The following DNAAF4 variants were observed in gnomAD, a reference collection of about 807,000 sequenced individuals.
DNAAF4 encodes dynein axonemal assembly factor 4.
DNAAF4 carries 43 observed loss-of-function variants against 51.8 expected under a neutral mutation model. The ratio of observed to expected loss-of-function variants is 0.83; its 90% CI spans 0.65 to 1.07. The LOEUF (loss-of-function observed/expected upper bound fraction) is 1.07. Among genes scored for constraint, DNAAF4 ranks in the 50% least tolerant of loss-of-function variants. The pLI is 0.00. For synonymous variants in DNAAF4, 194 were observed against 165.6 expected, an observed-to-expected ratio of 1.17 and a Z score of -1.32; for missense variants, 581 against 493.0, an observed-to-expected ratio of 1.18 and a Z score of -1.69.
chr15:55,453,377 C>CA (rs1398709337), intron 5 of DNAAF4, among the ~76,000 whole-genome samples: 1 of 151,962 alleles, frequency 6.6e-6, no homozygotes, highest in Non-Finnish European at 1.5e-5. Flanking sequence ...AATCAGCAGA[C>CA]ACAACAAATA....
At chr15:55,451,795 C>T (rs949673424) in intron 5 of DNAAF4, among the ~76,000 whole-genome samples, 1 of 151,952 alleles carries the variant, frequency 6.6e-6, no homozygotes, top group African/African-American at 2.4e-5. Flanking sequence ...TGTTTGTATG[C>T]TTTTTTGTAG....
At chr15:55,421,319 G>A (rs2057386428) in intron 7 of DNAAF4, among the ~76,000 whole-genome samples, 1 of 151,790 alleles carries the variant, frequency 6.6e-6, no homozygotes, top group Admixed American at 6.6e-5. Flanking sequence ...TGGGCAACAT[G>A]GTGAGACCAC....
Position 55,498,437 on chromosome 15 carries a change from G to T in DNAAF4, c.-108C>A, listed in dbSNP as rs1001912668. On this transcript the variant is annotated 5_prime_UTR_variant, in exon 2 of 10. Transcript: ENST00000321149. ...CCAGCCCTTCCGGGTCAGGCCGGCC[G>T]GGAGCCCGGCGTTCCCAGCGTGCTC... The T allele has an allele frequency of 6.8e-7, 1 of 1,476,830 alleles. No individual in the cohort carries two copies. The highest frequency in any genetic ancestry group is 9.0e-7 in the Non-Finnish European group (1 of 1,115,418). 91.5% of individuals were successfully genotyped at this position (1,476,830 alleles called of 1,614,324 possible).
intron 3 of DNAAF4, among the ~76,000 whole-genome samples, chr15:55,495,752 T>TA (rs1016227635): frequency 3.3e-5 from 5 of 151,040 alleles, no homozygotes; most frequent in South Asian, 2.1e-4. Context: ...AACTCAAAAT[T>TA]AAAAAAAATA....
chr15:55,435,543 G>A (rs1354464700), intron 7 of DNAAF4, among the ~76,000 whole-genome samples: 1 of 152,104 alleles, frequency 6.6e-6, no homozygotes, highest in Non-Finnish European at 1.5e-5. Context: ...GGAATAAAAA[G>A]GCAGAAAGAA....
At chr15:55,425,828 A>G (rs186413877), downstream of DNAAF4, among the ~76,000 whole-genome samples, 6 of 152,300 alleles carry the variant, frequency 3.9e-5, no homozygotes, top group East Asian at 1.2e-3. Context: ...AATGTATGGA[A>G]GGCCACTGAT....
chr15:55,503,064 T>C (rs1381804759), intron 1 of DNAAF4, among the ~76,000 whole-genome samples: 1 of 151,790 alleles, frequency 6.6e-6, no homozygotes, highest in Non-Finnish European at 1.5e-5. Context: ...AAGAATCAAA[T>C]AGACGCAATA....
intron 7 of DNAAF4, chr15:55,418,333 GA>G (rs1357813940): frequency 6.5e-7 from 1 of 1,540,638 alleles, no homozygotes; most frequent in Non-Finnish European, 8.8e-7. Context: ...TGGATCCAAA[GA>G]CACTCCAGAC....
intron 4 of DNAAF4, among the ~76,000 whole-genome samples, chr15:55,484,211 C>T (rs1005561543): frequency 1.3e-5 from 2 of 151,894 alleles, no homozygotes; most frequent in African/African-American, 2.4e-5. Flanking sequence ...AGGCCGGGCG[C>T]GGTGGCTCAT....
At chr15:55,436,599 G>A (rs957502999) in intron 7 of DNAAF4, among the ~76,000 whole-genome samples, 2 of 151,988 alleles carry the variant, frequency 1.3e-5, no homozygotes, top group South Asian at 2.1e-4. Flanking sequence ...TGGCCAGGCT[G>A]GTCTCAAACT....
intron 7 of DNAAF4, among the ~76,000 whole-genome samples, chr15:55,421,052 T>C (rs927977132): frequency 1.3e-5 from 2 of 151,508 alleles, no homozygotes; most frequent in Non-Finnish European, 2.9e-5. Context: ...TAGCCAGGCG[T>C]GGTGGTGTGT....
At chr15:55,485,279 A>G (rs1207011113) in intron 4 of DNAAF4, among the ~76,000 whole-genome samples, 5 of 152,230 alleles carry the variant, frequency 3.3e-5, no homozygotes, top group African/African-American at 1.2e-4. Flanking sequence ...AAGAAAAAAG[A>G]AAGATGGGAG....
rs1285272942 is a variant in DNAAF4, at chr15:55,493,140, C to T, written c.272-1884G>A. ...ACCATGTGAGGACACAGTACGGTGC[C>T]ATCTACAGGAAAGTGAGCCCTCACC... On this transcript the variant is annotated intron_variant, in intron 3 of 9. Coordinates refer to ENST00000321149, the MANE Select transcript of DNAAF4 (RefSeq NM_130810.4). 2.0e-5 allele frequency among the ~76,000 whole-genome samples: 3 copies of T among 152,234 alleles called. No individual in the cohort carries two copies. In the East Asian group the frequency reaches 5.8e-4, roughly 29 times the overall value.
At chr15:55,463,686 A>G (rs1029039328) in intron 5 of DNAAF4, among the ~76,000 whole-genome samples, 1 of 152,030 alleles carries the variant, frequency 6.6e-6, no homozygotes, top group Non-Finnish European at 1.5e-5. Context: ...CCTCTTTTAC[A>G]ACAGCTGCAA....
rs545785770 is a variant in DNAAF4 at position 55,439,792 on chromosome 15, A to C, written c.784-211T>G. On this transcript the variant is annotated intron_variant, in intron 6 of 9. Transcript: ENST00000321149. The stretch of plus-strand genomic sequence containing the variant: ...TTGGTAGTGGGGCCTCTGAGAGGTA[A>C]TGAGGTTTAGGTCATGAGAGGAGAG... 1.8e-4 allele frequency among the ~76,000 whole-genome samples: 27 copies of C among 152,208 alleles called. No individual in the cohort carries two copies. The Middle Eastern group carries it at 0.01, about 58-fold the overall frequency.
At chr15:55,503,240 C>T (rs1240477598) in intron 1 of DNAAF4, among the ~76,000 whole-genome samples, 1 of 152,186 alleles carries the variant, frequency 6.6e-6, no homozygotes, top group Admixed American at 6.5e-5. Context: ...ATTTGAATCT[C>T]TGAACAGACC....
intron 5 of DNAAF4, among the ~76,000 whole-genome samples, chr15:55,462,735 G>A (rs2058111093): frequency 6.6e-6 from 1 of 151,958 alleles, no homozygotes; most frequent in African/African-American, 2.4e-5. Context: ...ATATCAAAAA[G>A]GTAATACACC....
In DNAAF4 at chr15:55,488,078, T is replaced by C. The variant is rs757030784; in HGVS notation, c.405+3045A>G. On this transcript the variant is annotated intron_variant, in intron 4 of 9. Coordinates refer to ENST00000321149, the MANE Select transcript of DNAAF4 (RefSeq NM_130810.4). Reference sequence around the variant, plus strand: ...CACAAACAATACTGCTTTGGATTCCTTGACCATACTCTCAGGATGAAATAC... The same window carrying C: ...CACAAACAATACTGCTTTGGATTCCCTGACCATACTCTCAGGATGAAATAC... 9.9e-5 allele frequency among the ~76,000 whole-genome samples: 15 copies of C among 152,210 alleles called. No individual in the cohort carries two copies. The Middle Eastern group carries it at 0.01, about 104-fold the overall frequency.
exon 8 of DNAAF4, chr15:55,418,111 A>G (rs772032471): frequency 9.5e-6 from 15 of 1,586,160 alleles, no homozygotes; most frequent in African/African-American, 5.5e-5. Flanking sequence ...CTGACATTCA[A>G]TGCCCTCAAG....
Sources: allele counts gnomAD v4.1 joint callset (sites outside exome capture counted in the v4.1 genomes callset), GRCh38; gene constraint gnomAD v4.1.1; transcripts MANE v1.5; gene names NCBI Gene and HGNC (gene_info 2026-07-23, HGNC 2026-07-21).